The following PDE4DIP variants were observed in gnomAD, a reference collection of about 807,000 sequenced individuals.
PDE4DIP encodes the protein phosphodiesterase 4D interacting protein.
Under a neutral mutation model 221.4 loss-of-function variants are expected in PDE4DIP, and 59 were observed. The observed-to-expected ratio is 0.27, with a 90% confidence interval of 0.22 to 0.33. PDE4DIP has a LOEUF of 0.33. Among genes scored for constraint, PDE4DIP ranks in the 10% least tolerant of loss-of-function variants. PDE4DIP has a pLI of 1.00. For synonymous variants in PDE4DIP, 404 were observed against 815.9 expected (o/e 0.50, Z 8.60); for missense variants, 1,036 against 2,154.2 (o/e 0.48, Z 10.28).
chr1:148,960,256 C>T (rs1463225633), intron 5 of PDE4DIP, among the ~76,000 whole-genome samples: 2 of 151,780 alleles, frequency 1.3e-5, no homozygotes, highest in Non-Finnish European at 3.0e-5. Context: ...AATGTAACTT[C>T]TCTCAGGAAG....
At chr1:148,934,410 A>C (rs1195211142) in intron 4 of PDE4DIP, among the ~76,000 whole-genome samples, 5 of 152,066 alleles carry the variant, frequency 3.3e-5, no homozygotes, top group African/African-American at 1.2e-4. Context: ...GATGACCTTG[A>C]ACAATTTTGG....
intron 1 of PDE4DIP, among the ~76,000 whole-genome samples, chr1:148,902,747 T>C (rs1408428706): frequency 1.0e-5 from 1 of 98,122 alleles, no homozygotes. Context: ...TATATATCCA[T>C]CATATATATA....
chr1:149,031,295 A>G (rs1357299566), intron 43 of PDE4DIP: 1 of 162,214 alleles, frequency 6.2e-6, no homozygotes, highest in African/African-American at 2.4e-5. Context: ...GGCTTTCTCC[A>G]GTGTGGAAGC....
At chr1:149,009,948 G>A (rs2068096663) in intron 30 of PDE4DIP, among the ~76,000 whole-genome samples, 157 bp downstream of exon 33, 2 of 152,156 alleles carry the variant, frequency 1.3e-5, no homozygotes, top group Non-Finnish European at 2.9e-5. Context: ...TCTTTGCTCT[G>A]CTCCTGACTC....
At chr1:148,813,270 T>C (rs1444052617) in intron 1 of PDE4DIP, among the ~76,000 whole-genome samples, 4 of 89,502 alleles carry the variant, frequency 4.5e-5, no homozygotes, top group African/African-American at 1.4e-4. Context: ...ATAGCCATTC[T>C]AGTGGGTGTG....
At chr1:148,901,839 G>A (rs587720579) in intron 1 of PDE4DIP, among the ~76,000 whole-genome samples, 2 of 121,742 alleles carry the variant, frequency 1.6e-5, no homozygotes, top group African/African-American at 7.0e-5. Flanking sequence ...CTCTCTCAGA[G>A]TTACTCCGTC....
chr1:148,933,520 C>A (rs7548238), intron 4 of PDE4DIP, among the ~76,000 whole-genome samples: 5 of 150,730 alleles, frequency 3.3e-5, no homozygotes, highest in Non-Finnish European at 6.0e-5. Flanking sequence ...CTCATTCAAT[C>A]TCAACCTAAT....
At chr1:148,995,060 G>A (rs1465921885) in intron 22 of PDE4DIP, among the ~76,000 whole-genome samples, 1 of 152,280 alleles carries the variant, frequency 6.6e-6, no homozygotes, top group Admixed American at 6.5e-5. Flanking sequence ...GACCTAGGTT[G>A]GCTCTACATC....
At chr1:148,953,940 A>C (rs1160029466) in intron 5 of PDE4DIP, 3 of 1,528,554 alleles carry the variant, frequency 2.0e-6, no homozygotes, top group Non-Finnish European at 2.7e-6. Flanking sequence ...CTTTCTGATT[A>C]TAGCTAGCTG....
chr1:148,869,880 C>T (rs1454913755), intron 3 of PDE4DIP, among the ~76,000 whole-genome samples: 77 of 77,966 alleles, frequency 9.9e-4, no homozygotes, highest in South Asian at 3.1e-3. Flanking sequence ...TGTAAATAGT[C>T]TGTGAGATAC....
intron 22 of PDE4DIP, among the ~76,000 whole-genome samples, chr1:148,996,586 G>A (rs1441266150): frequency 5.9e-5 from 9 of 152,054 alleles, no homozygotes; most frequent in African/African-American, 2.2e-4. Flanking sequence ...TTTGACCTGG[G>A]TGCGCATGTC....
intron 5 of PDE4DIP, chr1:148,939,739 A>G (rs1306667828): frequency 2.6e-5 from 4 of 152,018 alleles, no homozygotes; most frequent in African/African-American, 9.7e-5. Context: ...AATAAGAAGA[A>G]TTGAATTTCC....
chr1:148,981,145 T>C, intron 20 of PDE4DIP, 125 bp from the exon 24 acceptor site: 1 of 824,280 alleles, frequency 1.2e-6, no homozygotes, highest in Admixed American at 2.0e-5. Flanking sequence ...TATTGTGTCC[T>C]GGAGAACAAT....
exon 24 of PDE4DIP, chr1:149,001,618 G>A: frequency 6.2e-7 from 1 of 1,613,048 alleles, no homozygotes; most frequent in Non-Finnish European, 8.5e-7. Context: ...TTTGCCTTGA[G>A]AATGCGGAGC....
chr1:148,881,552 C>T, intron 3 of PDE4DIP, among the ~76,000 whole-genome samples: 2 of 130,460 alleles, frequency 1.5e-5, no homozygotes, highest in African/African-American at 3.1e-5. Context: ...GTTTATTCAT[C>T]TTGAAAATGA....
chr1:148,976,816 A>G (rs2060257282), intron 17 of PDE4DIP, among the ~76,000 whole-genome samples: 2 of 151,900 alleles, frequency 1.3e-5, no homozygotes, highest in Admixed American at 6.6e-5. Context: ...GCCCTGAGAA[A>G]GATATTTCAG....
chr1:149,016,287 C>A lies in PDE4DIP; in HGVS notation c.5267-12C>A, dbSNP rs1553610557. ...CCCCATTTGCTTCTTACTAATGTTT[C>A]TTTCTGCCCAGGTGCCAGCACTGTT... On this transcript the variant is annotated splice_polypyrimidine_tract_variant and intron_variant, in intron 32 of 43. Coordinates refer to ENST00000369354, the Ensembl canonical transcript of PDE4DIP. 1.9e-6 allele frequency: 3 copies of A among 1,613,706 alleles called. No homozygotes were observed. The East Asian group carries it at 6.7e-5, about 36-fold the overall frequency.
At chr1:148,980,621 C>A (rs189059489) in intron 20 of PDE4DIP, among the ~76,000 whole-genome samples, 1 of 151,752 alleles carries the variant, frequency 6.6e-6, no homozygotes, top group Non-Finnish European at 1.5e-5. Flanking sequence ...CCTACTAGCC[C>A]CTTTTATTCT....
intron 5 of PDE4DIP, chr1:148,951,936 T>C: frequency 2.5e-6 from 2 of 797,862 alleles, no homozygotes; most frequent in Non-Finnish European, 3.0e-6. Flanking sequence ...CTCAGGCCCT[T>C]AGAACCCAGG....
Sources: gnomAD v4.1 joint callset for allele counts (sites outside exome capture counted in the v4.1 genomes callset) on GRCh38, gnomAD v4.1.1 for gene constraint, MANE v1.5 for transcripts, NCBI Gene and HGNC (gene_info 2026-07-23, HGNC 2026-07-21) for gene names.